The following TBCE variants were observed in gnomAD, a reference collection of about 807,000 sequenced individuals.
TBCE encodes tubulin folding cofactor E.
A neutral mutation model predicts 77.0 loss-of-function variants in TBCE; 53 were observed. The ratio of observed to expected loss-of-function variants is 0.69; its 90% confidence interval spans 0.55 to 0.87. The LOEUF (loss-of-function observed/expected upper bound fraction) is 0.87. TBCE is among the 40% of genes least tolerant of loss of function. The pLI, the probability that TBCE is intolerant of heterozygous loss-of-function variation, is 0.00. For synonymous variants in TBCE, 235 were observed against 241.3 expected, an observed-to-expected ratio of 0.97 and a Z score of 0.24; for missense variants, 624 against 622.4, an observed-to-expected ratio of 1.00 and a Z score of -0.03.
intron 7 of TBCE, among the ~76,000 whole-genome samples, chr1:235,431,127 T>C (rs1681058633): frequency 6.6e-6 from 1 of 152,196 alleles, no homozygotes; most frequent in African/African-American, 2.4e-5. Flanking sequence ...GGCTATTGAC[T>C]AGCTTCCTGA....
chr1:235,444,578 G>T (rs558396641), intron 15 of TBCE, among the ~76,000 whole-genome samples: 9 of 151,984 alleles, frequency 5.9e-5, no homozygotes, highest in African/African-American at 1.2e-4. Context: ...TAATTTTTTT[G>T]ATTTTTAGTA....
chr1:235,421,448 C>CT (rs766786805), intron 5 of TBCE, among the ~76,000 whole-genome samples: 6 of 152,078 alleles, frequency 3.9e-5, no homozygotes, highest in East Asian at 3.9e-4. Flanking sequence ...TGGCTCATGC[C>CT]TGTAATCCCA....
rs1181842983 is a variant in TBCE at position 235,418,016 on chromosome 1, A to G, written c.372-1457A>G. 2.0e-5 allele frequency among the ~76,000 whole-genome samples: 3 copies of G among 152,144 alleles called. No homozygotes were observed. In the East Asian group the frequency reaches 5.8e-4, roughly 29 times the overall value. On this transcript the variant is annotated intron_variant, in intron 4 of 16. Coordinates refer to ENST00000642610, the MANE Select transcript of TBCE (RefSeq NM_003193.5). ...AGGCTGGTCTCGAACTCCTGACCCC[A>G]GGTGATCCGCCCACCTTGGCCTCCC...
rs16832619 is a variant in TBCE at position 235,438,878 on chromosome 1, A to G, written c.1226A>G (p.Glu409Gly). 4.2e-3 allele frequency: 6,813 copies of G among 1,614,132 alleles called. 244 individuals are homozygous for G. The African/African-American group carries it at 0.077, about 18-fold the overall frequency. Residue 409 changes from glutamate to glycine, a missense_variant, in exon 13 of 17, where the codon GAA becomes GGA. Glu to Gly is a moderately conservative substitution (Grantham distance 98). Transcript: ENST00000642610. The part of the protein sequence containing the change: ...HKDPEKNRLS[E>G]EFLTAHPRYQ... ...GATCCGGAAAAAAACAGACTCAGCG[A>G]AGAATTCCTCACAGCCCATCCCAGA... is the stretch of plus-strand genomic sequence containing the variant.
rs1411854172 is a variant in TBCE, at chr1:235,441,050, A to T, written c.1271-764A>T. Reference sequence around the variant, plus strand: ...AGCAGCCTAGAGGAATCACTTTCAAATGACTCCATTAGCCAGCCCAATCTC... The same window carrying T: ...AGCAGCCTAGAGGAATCACTTTCAATTGACTCCATTAGCCAGCCCAATCTC... On this transcript the variant is annotated intron_variant, in intron 13 of 16. Coordinates refer to ENST00000642610, the MANE Select transcript of TBCE (RefSeq NM_003193.5). The T allele has an allele frequency of 3.3e-5, 5 of 152,392 alleles. No individual in the cohort carries two copies. In the South Asian group the frequency reaches 1.0e-3, roughly 32 times the overall value. 9.4% of individuals were successfully genotyped at this position (152,392 alleles called of 1,614,324 possible).
chr1:235,369,909 G>T (rs16832575), intron 1 of TBCE, among the ~76,000 whole-genome samples: 4,677 of 151,492 alleles, frequency 0.031, 266 homozygotes, highest in African/African-American at 0.11. Flanking sequence ...CTGCTTCACT[G>T]CTGATCTCAT....
intron 3 of TBCE, among the ~76,000 whole-genome samples, chr1:235,405,574 T>C (rs555522087): frequency 1.3e-4 from 19 of 151,620 alleles, no homozygotes; most frequent in Non-Finnish European, 2.2e-4. Flanking sequence ...AGGTGGAGGT[T>C]GCAGTGAGCC....
At chr1:235,383,473 G>A (rs1360964000) in intron 2 of TBCE, among the ~76,000 whole-genome samples, 1 of 152,052 alleles carries the variant, frequency 6.6e-6, no homozygotes, top group Non-Finnish European at 1.5e-5. Context: ...CCATTTGTTT[G>A]TATCCTCTTT....
intron 2 of TBCE, among the ~76,000 whole-genome samples, chr1:235,389,729 T>C (rs1678264480): frequency 6.6e-6 from 1 of 152,176 alleles, no homozygotes; most frequent in Non-Finnish European, 1.5e-5. Flanking sequence ...TCACTGGATG[T>C]TGTAGAGCTG....
In TBCE at chr1:235,451,930, T is replaced by C. The variant is rs1216412336; in HGVS notation, c.*3168T>C. 1.3e-5 allele frequency: 2 copies of C among 152,246 alleles called. No individual in the cohort carries two copies. The highest frequency in any genetic ancestry group is 1.9e-4 in the East Asian group (1 of 5,208). The allele number at this position is 152,246 out of a possible 1,614,324, so 9.4% of individuals were successfully genotyped here. ...CAATACTGTGTTTTAAATGATGTCT[T>C]ATATTTCATGCAGTGTCTTATTTTT... On this transcript the variant is annotated 3_prime_UTR_variant, in exon 17 of 17. Transcript: ENST00000642610.
chr1:235,434,390 A>C (rs527277796), intron 8 of TBCE, 110 bp downstream of exon 8: 1 of 951,426 alleles, frequency 1.1e-6, no homozygotes, highest in Admixed American at 1.9e-5. Context: ...TGCAAACAAG[A>C]ATTAGGAAAA....
rs748417931 is a variant in TBCE, at chr1:235,438,859, GA to G, written c.1214del (p.Asn405ThrfsTer19). The G allele has an allele frequency of 2.5e-6, 4 of 1,613,914 alleles. No homozygotes were observed. The highest frequency in any genetic ancestry group is 3.3e-5 in the Admixed American group (2 of 59,966). ...WKQAGGHKDP[E>X]KNRLSEEFLT... The stretch of plus-strand genomic sequence containing the variant: ...ACAGGCTGGTGGACATAAGGATCCG[GA>G]AAAAAACAGACTCAGCGAAGAATTC... On this transcript the variant is annotated frameshift_variant, in exon 13 of 17. Coordinates refer to ENST00000642610, the MANE Select transcript of TBCE (RefSeq NM_003193.5). LOFTEE classifies it high-confidence loss of function.
chr1:235,448,497 A>T (rs1682630080), intron 16 of TBCE, 57 bp downstream of exon 16: 8 of 1,534,678 alleles, frequency 5.2e-6, no homozygotes, highest in Admixed American at 3.3e-5. Flanking sequence ...GTATTATGAC[A>T]TTAAACTGTC....
chr1:235,432,747 G>C (rs1186102558), intron 7 of TBCE, among the ~76,000 whole-genome samples: 5 of 151,974 alleles, frequency 3.3e-5, no homozygotes, highest in Non-Finnish European at 5.9e-5. Flanking sequence ...GCTGGTCATG[G>C]TGGCTCTCGC....
chr1:235,379,721 G>C (rs913351156), intron 1 of TBCE, among the ~76,000 whole-genome samples: 3 of 151,900 alleles, frequency 2.0e-5, no homozygotes, highest in Non-Finnish European at 2.9e-5. Context: ...GACTGAGGTT[G>C]GTGGATTGCT....
intron 1 of TBCE, among the ~76,000 whole-genome samples, chr1:235,373,192 A>C (rs1677078133): frequency 6.6e-6 from 1 of 152,122 alleles, no homozygotes; most frequent in Admixed American, 6.6e-5. Context: ...TAAAAGAAGT[A>C]GAACAAATTA....
At chr1:235,434,040 C>T (rs1681266771) in intron 7 of TBCE, 164 bp from the exon 8 acceptor site, 12 of 704,512 alleles carry the variant, frequency 1.7e-5, no homozygotes, top group South Asian at 1.7e-4. Flanking sequence ...TTATTTATCA[C>T]CCCCCACCAC....
At chr1:235,371,037 G>GTT (rs1558339723) in intron 1 of TBCE, among the ~76,000 whole-genome samples, 1 of 39,650 alleles carries the variant, frequency 2.5e-5, no homozygotes, top group Non-Finnish European at 5.3e-5. Flanking sequence ...ATCACGCCTG[G>GTT]CTTTTTTTTT....
chr1:235,428,062 C>T (rs1461241117), intron 6 of TBCE, among the ~76,000 whole-genome samples: 2 of 151,784 alleles, frequency 1.3e-5, no homozygotes, highest in Admixed American at 6.6e-5. Flanking sequence ...CAGTGGCTCA[C>T]GCCTGGAATC....
Sources: gnomAD v4.1 joint callset for allele counts (sites outside exome capture counted in the v4.1 genomes callset) on GRCh38, gnomAD v4.1.1 for gene constraint, MANE v1.5 for transcripts, NCBI Gene and HGNC (gene_info 2026-07-23, HGNC 2026-07-21) for gene names.